CDC14A: variants seen among roughly 807,000 people sequenced by gnomAD.
The protein encoded by CDC14A is dual specificity protein phosphatase CDC14A.
A neutral mutation model predicts 74.4 loss-of-function variants in CDC14A; 53 were observed. That is an observed-to-expected ratio of 0.71 (90% CI 0.57 to 0.89). The LOEUF is 0.89. Among genes scored for constraint, CDC14A ranks in the 40% least tolerant of loss-of-function variants. The probability of loss-of-function intolerance (pLI) is 0.00; values close to 1 mark genes in which losing one functional copy is unlikely to be tolerated. For missense variants in CDC14A, 646 were observed against 713.7 expected (o/e 0.91, Z 1.08); for synonymous variants, 247 against 258.4 (o/e 0.96, Z 0.43).
At chr1:100,406,621 A>G (rs553949392) in intron 4 of CDC14A, among the ~76,000 whole-genome samples, 2 of 152,194 alleles carry the variant, frequency 1.3e-5, no homozygotes, top group East Asian at 1.9e-4. Flanking sequence ...TCCCAGCACC[A>G]TTTATTAAAA....
intron 15 of CDC14A, among the ~76,000 whole-genome samples, chr1:100,511,716 C>A (rs1649799302): frequency 6.6e-6 from 1 of 152,222 alleles, no homozygotes; most frequent in African/African-American, 2.4e-5. Flanking sequence ...CCTATCAAGT[C>A]TCCCTCTAAA....
At chr1:100,351,803 A>G (rs933317157), upstream of CDC14A, 37 of 1,550,232 alleles carry the variant, frequency 2.4e-5, no homozygotes, top group Non-Finnish European at 3.1e-5. Flanking sequence ...GTTATATCAG[A>G]GTCTGGTATG....
rs145569411 is a variant in CDC14A, at chr1:100,425,122, C to T, written c.389+821C>T. Among the ~76,000 whole-genome samples, 912 of 152,204 alleles carry T rather than the reference C, an allele frequency of 6.0e-3. 16 individuals carry two copies. Among genetic ancestry groups the T allele is most frequent in the African/African-American group, 0.021 (864 of 41,508 alleles). On this transcript the variant is annotated intron_variant, in intron 5 of 15. Transcript: ENST00000336454. ...GGTCAAGGCTGCAGTAAGCTGAGAT[C>T]GCCCCACTACACTCCAGCGTGGGTG...
rs1437985678 is a variant in CDC14A at position 100,437,964 on chromosome 1, CAG to C, written c.390-1963_390-1962del. Among the ~76,000 whole-genome samples, 20 of 151,758 alleles carry C rather than the reference CAG, an allele frequency of 1.3e-4. No individual in the cohort carries two copies. In the South Asian group the frequency reaches 3.5e-3, roughly 27 times the overall value. On this transcript the variant is annotated intron_variant, in intron 5 of 15. Transcript: ENST00000336454. ...AATCTAGGGTCTGTGGAAGAGAATT[CAG>C]AGAGTCAGTGAACTTAGATGAGAAA...
rs145507468 is a variant in CDC14A at position 100,446,665 on chromosome 1, G to A, written c.519+3669G>A. Among the ~76,000 whole-genome samples the A allele has an allele frequency of 3.4e-3, 524 of 151,952 alleles. 6 individuals are homozygous for A. The highest frequency in any genetic ancestry group is 0.012 in the African/African-American group (496 of 41,442). On this transcript the variant is annotated intron_variant, in intron 7 of 15. Coordinates refer to ENST00000336454, the MANE Select transcript of CDC14A (RefSeq NM_003672.4). Reference sequence around the variant, plus strand: ...TATTTTGCATTTTTTTTTGAATTAAGCCTCAGAAACCCAGTGTGTAGTTTA... The same window carrying A: ...TATTTTGCATTTTTTTTTGAATTAAACCTCAGAAACCCAGTGTGTAGTTTA...
rs757539865 is a variant in CDC14A at position 100,353,013 on chromosome 1, A to T, written c.49+10A>T. ...TGTGAGTTCATGAAAGGTGAGGAGCAGCCGCCCCGCATCTTCCAACGCTTT... is the reference window on the plus strand; with the variant it reads ...TGTGAGTTCATGAAAGGTGAGGAGCTGCCGCCCCGCATCTTCCAACGCTTT... On this transcript the variant is annotated intron_variant, in intron 1 of 15. Coordinates refer to ENST00000336454, the MANE Select transcript of CDC14A (RefSeq NM_003672.4). The T allele has an allele frequency of 3.7e-6, 6 of 1,613,948 alleles. No individual in the cohort carries two copies. In the Admixed American group the frequency reaches 1.0e-4, roughly 27 times the overall value.
chr1:100,473,070 T>G (rs1302456237), intron 10 of CDC14A, among the ~76,000 whole-genome samples: 2 of 152,008 alleles, frequency 1.3e-5, no homozygotes, highest in Non-Finnish European at 2.9e-5. Flanking sequence ...TCATATACAT[T>G]TTAGAGTAAG....
intron 8 of CDC14A, among the ~76,000 whole-genome samples, chr1:100,460,690 G>GT (rs779594234): frequency 5.3e-5 from 8 of 152,200 alleles, no homozygotes; most frequent in Non-Finnish European, 1.0e-4. Context: ...AGAAAAGCAT[G>GT]TTTTCTCCAT....
At chr1:100,477,648 T>C (rs80007894) in intron 10 of CDC14A, among the ~76,000 whole-genome samples, 1 of 152,164 alleles carries the variant, frequency 6.6e-6, no homozygotes, top group Non-Finnish European at 1.5e-5. Flanking sequence ...GACTAACTAA[T>C]GATCAGAGAG....
At chr1:100,480,464 C>T (rs1669334571) in intron 10 of CDC14A, among the ~76,000 whole-genome samples, 1 of 152,134 alleles carries the variant, frequency 6.6e-6, no homozygotes, top group Non-Finnish European at 1.5e-5. Flanking sequence ...CATTGGTACA[C>T]AAGTATCTAT....
At chr1:100,347,424 C>T (rs896678954) in intron 1 of CDC14A, among the ~76,000 whole-genome samples, 1 of 152,222 alleles carries the variant, frequency 6.6e-6, no homozygotes, top group African/African-American at 2.4e-5. Flanking sequence ...ACTAGCTGAT[C>T]TCCCAGGTCC....
At chr1:100,477,271 A>G (rs1007384085) in intron 10 of CDC14A, among the ~76,000 whole-genome samples, 2 of 152,118 alleles carry the variant, frequency 1.3e-5, no homozygotes, top group African/African-American at 4.8e-5. Flanking sequence ...CTTTGTATAG[A>G]TAGCAAATAT....
chr1:100,370,141 A>G (rs557101793), intron 2 of CDC14A, among the ~76,000 whole-genome samples: 1 of 151,870 alleles, frequency 6.6e-6, no homozygotes, highest in South Asian at 2.1e-4. Context: ...GCACTACCAC[A>G]CCCAGCTAAT....
Position 100,352,855 on chromosome 1 carries a change from A to G in CDC14A, c.-100A>G. 1 of 1,592,984 alleles carries G rather than the reference A, an allele frequency of 6.3e-7. No homozygotes were observed. Among genetic ancestry groups the G allele is most frequent in the East Asian group, 2.3e-5 (1 of 44,124 alleles). On this transcript the variant is annotated 5_prime_UTR_variant, in exon 1 of 16. Transcript: ENST00000336454. ...CCCTCGGCCAGGCTTGTTGTTCGGG[A>G]CTGTGAGCTTCCTGGCTCCTGGGCA...
In CDC14A at chr1:100,508,487, G is replaced by A. The variant is rs1649432707; in HGVS notation, c.1755+9225G>A. Among the ~76,000 whole-genome samples, 2 of 152,132 alleles carry A rather than the reference G, an allele frequency of 1.3e-5. No homozygotes were observed. The highest frequency in any genetic ancestry group is 2.1e-4 in the South Asian group (1 of 4,818). On this transcript the variant is annotated intron_variant, in intron 15 of 15. Coordinates refer to ENST00000336454, the MANE Select transcript of CDC14A (RefSeq NM_003672.4). This position sits in a 1 kb window ranked among gnomAD's most constrained non-coding sequence, Gnocchi z 4.4. ...GTTCAGATGGGATGGGAGTGTTGGT[G>A]TGTTTCTCTCCTCTTTCTCTCTCTG...
At chr1:100,421,101 G>T (rs1662313251) in intron 4 of CDC14A, among the ~76,000 whole-genome samples, 1 of 152,138 alleles carries the variant, frequency 6.6e-6, no homozygotes, top group African/African-American at 2.4e-5. Context: ...AAATGATGTG[G>T]TACACCAAAC....
chr1:100,412,570 A>C (rs888125768), intron 4 of CDC14A, among the ~76,000 whole-genome samples: 7 of 148,302 alleles, frequency 4.7e-5, no homozygotes, highest in African/African-American at 1.8e-4. Flanking sequence ...TGGGGGTGAG[A>C]AATTGCTGGC....
intron 8 of CDC14A, 29 bp from the exon 9 acceptor site, chr1:100,462,621 CT>C (rs748631253): frequency 1.3e-6 from 2 of 1,537,130 alleles, no homozygotes; most frequent in Non-Finnish European, 1.8e-6. Context: ...AAATGCATGC[CT>C]TTTGCTTACT....
intron 2 of CDC14A, among the ~76,000 whole-genome samples, chr1:100,361,078 A>ATGTG (rs1652689043): frequency 6.6e-6 from 1 of 151,652 alleles, no homozygotes; most frequent in Non-Finnish European, 1.5e-5. Flanking sequence ...ACTTAGCCAC[A>ATGTG]GCTCAATACC....
Sources: allele counts gnomAD v4.1 joint callset (sites outside exome capture counted in the v4.1 genomes callset), GRCh38; gene constraint gnomAD v4.1.1; non-coding constraint Gnocchi (gnomAD v3.1); transcripts MANE v1.5; gene names NCBI Gene and HGNC (gene_info 2026-07-23, HGNC 2026-07-21).